WDFY3: variants seen among roughly 807,000 people sequenced by gnomAD.
WDFY3 encodes WD repeat and FYVE domain containing 3.
A neutral mutation model predicts 409.6 loss-of-function variants in WDFY3; 66 were observed. The ratio of observed to expected loss-of-function variants is 0.16; its 90% CI spans 0.13 to 0.20. The LOEUF (loss-of-function observed/expected upper bound fraction) is 0.20. Ranked by LOEUF, WDFY3 falls within the 10% of genes least tolerant of loss-of-function variation. WDFY3 has a pLI of 1.00. For synonymous variants in WDFY3, 1,521 were observed against 1,537.1 expected (o/e 0.99, Z 0.25); for missense variants, 3,031 against 4,298.1 (o/e 0.71, Z 8.24).
chr4:84,735,597 A>G (rs1737308667), intron 42 of WDFY3, among the ~76,000 whole-genome samples: 1 of 152,182 alleles, frequency 6.6e-6, no homozygotes, highest in East Asian at 1.9e-4. Context: ...TATTGATCCC[A>G]AGGGCACCCC....
At chr4:84,735,447 T>A (rs1346790399) in intron 42 of WDFY3, among the ~76,000 whole-genome samples, 4 of 152,228 alleles carry the variant, frequency 2.6e-5, no homozygotes, top group African/African-American at 9.6e-5. Context: ...GACTCACACA[T>A]TTCAGCTTAA....
rs191723338 is a variant in WDFY3 at position 84,829,200 on chromosome 4, T to A, written c.770-10A>T. 6.5e-7 allele frequency: 1 copy of A among 1,527,118 alleles called. No individual in the cohort carries two copies. The highest frequency in any genetic ancestry group is 2.1e-5 in the Admixed American group (1 of 48,220). The allele number at this position is 1,527,118 out of a possible 1,614,324, so 94.6% of individuals were successfully genotyped here. ...GATAAACACTCTTTCTCTGTAAGAA[T>A]AGATAATTAAATAAATATGCATTAT... On this transcript the variant is annotated splice_polypyrimidine_tract_variant and intron_variant, in intron 8 of 67. Transcript: ENST00000295888.
chr4:84,786,619 T>C (rs1482029437), intron 23 of WDFY3, among the ~76,000 whole-genome samples: 1 of 152,230 alleles, frequency 6.6e-6, no homozygotes, highest in Non-Finnish European at 1.5e-5. Context: ...AGTTTGAATC[T>C]TGCTTTATCA....
At chr4:84,786,279 T>G in intron 23 of WDFY3, 140 bp from the exon 24 acceptor site, 1 of 760,030 alleles carries the variant, frequency 1.3e-6, no homozygotes, top group Non-Finnish European at 2.0e-6. Context: ...AAAAACTATC[T>G]TCTCAGCTCT....
At chr4:84,726,413 T>C (rs1735665351) in intron 45 of WDFY3, among the ~76,000 whole-genome samples, 1 of 152,162 alleles carries the variant, frequency 6.6e-6, no homozygotes, top group African/African-American at 2.4e-5. Flanking sequence ...CACTCTTTGT[T>C]TCCATTCGTT....
In WDFY3 at chr4:84,724,500, A is replaced by G. The variant is rs1248776228; in HGVS notation, c.7367T>C (p.Ile2456Thr). Residue 2456 changes from isoleucine to threonine, a missense_variant, in exon 46 of 68, where the codon ATT becomes ACT. Ile to Thr is a moderately conservative substitution (Grantham distance 89). Transcript: ENST00000295888. ...SGNPAIVQDAIVESSEGEAAQ... is the reference protein window; with the variant it reads ...SGNPAIVQDATVESSEGEAAQ... ...AGCTTCACCTTCTGAACTCTCCACA[A>G]TGGCGTCTTGGACAATGGCGGGATT... The G allele has an allele frequency of 1.9e-6, 3 of 1,614,142 alleles. No homozygotes were observed. Among genetic ancestry groups the G allele is most frequent in the South Asian group, 1.1e-5 (1 of 91,082 alleles).
chr4:84,680,257 A>C (rs546143676), intron 64 of WDFY3, among the ~76,000 whole-genome samples: 1 of 152,178 alleles, frequency 6.6e-6, no homozygotes, highest in African/African-American at 2.4e-5. Flanking sequence ...AATGACTCAA[A>C]GATTAGTGAA....
intron 27 of WDFY3, among the ~76,000 whole-genome samples, chr4:84,777,563 AT>A (rs1469890865): frequency 1.3e-5 from 2 of 152,022 alleles, no homozygotes; most frequent in African/African-American, 4.8e-5. Context: ...ATAGATTTTT[AT>A]TTAGGGGGAA....
intron 40 of WDFY3, among the ~76,000 whole-genome samples, chr4:84,737,637 AT>A (rs1159133641): frequency 2.6e-5 from 4 of 152,204 alleles, no homozygotes; most frequent in Non-Finnish European, 5.9e-5. Flanking sequence ...TATATATGTA[AT>A]TAACTAACTT....
In WDFY3 at chr4:84,753,683, T is replaced by G. The variant is rs772136184; in HGVS notation, c.5739+14A>C. On this transcript the variant is annotated intron_variant, in intron 35 of 67. Coordinates refer to ENST00000295888, the MANE Select transcript of WDFY3 (RefSeq NM_014991.6). ...TCTAATTCCAGTTCTGACATTTTCC[T>G]CCCCCTTTCCTACCATCTCTGAGTA... 2.6e-6 allele frequency: 4 copies of G among 1,539,322 alleles called. No homozygotes were observed. Among genetic ancestry groups the G allele is most frequent in the Non-Finnish European group, 3.5e-6 (4 of 1,145,398 alleles).
At chr4:84,924,635 A>C (rs776149207) in intron 2 of WDFY3, among the ~76,000 whole-genome samples, 3 of 152,256 alleles carry the variant, frequency 2.0e-5, no homozygotes, top group African/African-American at 4.8e-5. Flanking sequence ...ACCAGGCTTT[A>C]GAAACAGGTC....
intron 1 of WDFY3, among the ~76,000 whole-genome samples, chr4:84,958,772 A>G (rs891951010): frequency 5.3e-5 from 8 of 152,010 alleles, no homozygotes; most frequent in African/African-American, 1.9e-4. Context: ...CTTCCAGCCA[A>G]CCCCTTACTG....
chr4:84,896,668 C>T (rs1765681204), intron 3 of WDFY3, among the ~76,000 whole-genome samples: 1 of 152,130 alleles, frequency 6.6e-6, no homozygotes, highest in African/African-American at 2.4e-5. Context: ...TATGTGTAAG[C>T]ATATAGGTGT....
intron 51 of WDFY3, among the ~76,000 whole-genome samples, chr4:84,711,676 C>T (rs1053475323): frequency 6.6e-6 from 1 of 151,840 alleles, no homozygotes; most frequent in African/African-American, 2.4e-5. Flanking sequence ...TATGGTGAAA[C>T]CCCATCACTA....
At chr4:84,826,594 T>C (rs1452621200) in intron 10 of WDFY3, among the ~76,000 whole-genome samples, 1 of 152,180 alleles carries the variant, frequency 6.6e-6, no homozygotes, top group East Asian at 1.9e-4. Context: ...TCTCCTTGTT[T>C]GATTTTATAT....
At chr4:84,732,066 T>C (rs530610635) in intron 44 of WDFY3, among the ~76,000 whole-genome samples, 12 of 152,250 alleles carry the variant, frequency 7.9e-5, no homozygotes, top group African/African-American at 2.9e-4. Context: ...GCTGCAAAAA[T>C]ATGGGTGGAT....
intron 2 of WDFY3, among the ~76,000 whole-genome samples, chr4:84,903,625 A>C (rs569743695): frequency 6.6e-6 from 1 of 152,116 alleles, no homozygotes; most frequent in Admixed American, 6.6e-5. Context: ...CAGTCCTATA[A>C]TACTGTTTTA....
chr4:84,748,800 C>T lies in WDFY3; in HGVS notation c.5973+2683G>A, dbSNP rs1015838851. Among the ~76,000 whole-genome samples the T allele has an allele frequency of 7.2e-5, 11 of 152,086 alleles. 1 individual carries two copies. Among genetic ancestry groups the T allele is most frequent in the African/African-American group, 2.7e-4 (11 of 41,392 alleles). On this transcript the variant is annotated intron_variant, in intron 36 of 67. Coordinates refer to ENST00000295888, the MANE Select transcript of WDFY3 (RefSeq NM_014991.6). ...TCTAACACTCATAGGACTGAAGATG[C>T]TCTGGTTCACATTTACTGGACTCAG... is the stretch of plus-strand genomic sequence containing the variant.
chr4:84,826,828 C>A lies in WDFY3; in HGVS notation c.1110G>T (p.Gln370His). 2 of 1,606,240 alleles carry A rather than the reference C, an allele frequency of 1.2e-6. No homozygotes were observed. The highest frequency in any genetic ancestry group is 1.7e-5 in the Admixed American group (1 of 57,384). The change falls in exon 10 of 68, where the codon CAG becomes CAT. Residue 370 changes from glutamine (Q) to histidine (H), a missense_variant. By Grantham distance (24) the Gln-to-His change is conservative (BLOSUM62 0). Coordinates refer to ENST00000295888, the MANE Select transcript of WDFY3 (RefSeq NM_014991.6). Reference sequence around the variant, plus strand: ...AACAAGACTCACCTTTGCCTGCAGGCTGAGGTACTGCAAATCCAGGCAATA... The same window carrying A: ...AACAAGACTCACCTTTGCCTGCAGGATGAGGTACTGCAAATCCAGGCAATA... ...PFLLPGFAVP[Q>H]PAGKGHSVRN...
Sources: gnomAD v4.1 joint callset for allele counts (sites outside exome capture counted in the v4.1 genomes callset) on GRCh38, gnomAD v4.1.1 for gene constraint, MANE v1.5 for transcripts, NCBI Gene and HGNC (gene_info 2026-07-23, HGNC 2026-07-21) for gene names.